HCN4: variants seen among roughly 807,000 people sequenced by gnomAD.
The protein encoded by HCN4 is potassium/sodium hyperpolarization-activated cyclic nucleotide-gated channel 4.
Under a neutral mutation model 76.9 loss-of-function variants are expected in HCN4, and 29 were observed. The ratio of observed to expected loss-of-function variants is 0.38; its 90% CI spans 0.28 to 0.51. The LOEUF (loss-of-function observed/expected upper bound fraction) is 0.51, where lower values mean the gene tolerates loss of function less well. Ranked by LOEUF, HCN4 falls within the 20% of genes least tolerant of loss-of-function variation. The probability of loss-of-function intolerance (pLI) is 0.90; values close to 1 mark genes in which losing one functional copy is unlikely to be tolerated. For synonymous variants in HCN4, 772 were observed against 762.5 expected, an observed-to-expected ratio of 1.01 and a Z score of -0.21; for missense variants, 1,416 against 1,715.2, an observed-to-expected ratio of 0.83 and a Z score of 3.08.
chr15:73,343,475 G>A lies in HCN4; in HGVS notation c.1119C>T (p.Ala373=), dbSNP rs2043016637. Reference sequence around the variant, plus strand: ...TCTTCGTGAAGCGGACAATGCGCAGGGCCCGGGCAGTCTTGTAGACCTCCG... The same window carrying A: ...TCTTCGTGAAGCGGACAATGCGCAGAGCCCGGGCAGTCTTGTAGACCTCCG... ...IDSEVYKTAR[A]LRIVRFTKIL... The change falls in exon 2 of 8, where the codon GCC becomes GCT. Residue 373 remains alanine, a synonymous_variant. Transcript: ENST00000261917. The surrounding 1 kb of genome is among the most constrained non-coding windows in gnomAD (Gnocchi z 5.7). The A allele has an allele frequency of 6.2e-7, 1 of 1,614,194 alleles. No individual in the cohort carries two copies. Among genetic ancestry groups the A allele is most frequent in the Non-Finnish European group, 8.5e-7 (1 of 1,180,042 alleles).
chr15:73,325,329 A>G lies in HCN4; in HGVS notation c.1706T>C (p.Ile569Thr). ...YQGKMFDEES[I>T]LGELSEPLRE... ...CAGGGGCTCGCTTAGCTCGCCCAGG[A>G]TGCTCTCCTCGTCGAACATCTTGCC... The change falls in exon 5 of 8, where the codon ATC becomes ACC. Residue 569 changes from isoleucine to threonine, a missense_variant. Physicochemically the swap from Ile to Thr is moderately conservative, Grantham distance 89 (BLOSUM62 -1). Transcript: ENST00000261917. The surrounding 1 kb of genome is among the most constrained non-coding windows in gnomAD (Gnocchi z 7.4). 1.2e-6 allele frequency: 2 copies of G among 1,613,498 alleles called. No homozygotes were observed. Among genetic ancestry groups the G allele is most frequent in the Non-Finnish European group, 1.7e-6 (2 of 1,179,772 alleles).
At chr15:73,359,409 G>A (rs901709744) in intron 1 of HCN4, among the ~76,000 whole-genome samples, 1 of 152,198 alleles carries the variant, frequency 6.6e-6, no homozygotes, top group Non-Finnish European at 1.5e-5. Context: ...TGGCTCTGTT[G>A]TTTATTTATA....
intron 1 of HCN4, among the ~76,000 whole-genome samples, chr15:73,356,557 G>A (rs1007956771): frequency 6.6e-6 from 1 of 151,586 alleles, no homozygotes; most frequent in Non-Finnish European, 1.5e-5. Flanking sequence ...CATAGAAGGG[G>A]CTAACAAGGA....
chr15:73,323,412 G>A lies in HCN4; in HGVS notation c.2681C>T (p.Thr894Ile). 6.2e-7 allele frequency: 1 copy of A among 1,602,914 alleles called. No individual in the cohort carries two copies. The highest frequency in any genetic ancestry group is 1.1e-5 in the South Asian group (1 of 90,310). The stretch of plus-strand genomic sequence containing the variant: ...GGTGGCGGCTACGCCAGCTGATGGT[G>A]TGGGAGCCGAGGGGGAGCCACAGGC... ...PGACGSPSAP[T>I]PSAGVAATTI... Residue 894 changes from threonine to isoleucine, a missense_variant, in exon 8 of 8, where the codon ACA becomes ATA. By Grantham distance (89) the Thr-to-Ile change is moderately conservative (BLOSUM62 -1). Around this residue, in one of 6 missense-constraint regions of HCN4, gnomAD observed 633 missense variants for 579.8 expected, o/e 1.09. Transcript: ENST00000261917.
chr15:73,345,610 A>C lies in HCN4; in HGVS notation c.786-1802T>G, dbSNP rs148680416. On this transcript the variant is annotated intron_variant, in intron 1 of 7. Transcript: ENST00000261917. Reference sequence around the variant, plus strand: ...GGTGCCCTAGAGCCGTGCATGCTCTACCCAGCCACATAGACCTCACTCAAA... The same window carrying C: ...GGTGCCCTAGAGCCGTGCATGCTCTCCCCAGCCACATAGACCTCACTCAAA... 8.5e-5 allele frequency among the ~76,000 whole-genome samples: 13 copies of C among 152,162 alleles called. No homozygotes were observed. The East Asian group carries it at 2.5e-3, about 29-fold the overall frequency.
chr15:73,360,525 C>G (rs1210968157), intron 1 of HCN4, among the ~76,000 whole-genome samples: 1 of 152,156 alleles, frequency 6.6e-6, no homozygotes, highest in Non-Finnish European at 1.5e-5. Flanking sequence ...AGAATGTTTT[C>G]TTGAACTACT....
chr15:73,355,540 G>A (rs535342922), intron 1 of HCN4, among the ~76,000 whole-genome samples: 58 of 152,286 alleles, frequency 3.8e-4, no homozygotes, highest in African/African-American at 1.3e-3. Flanking sequence ...TGAGAACTCA[G>A]GGCTCTTCCA....
At chr15:73,338,684 G>T (rs1181049661) in intron 2 of HCN4, among the ~76,000 whole-genome samples, 1 of 152,116 alleles carries the variant, frequency 6.6e-6, no homozygotes, top group Non-Finnish European at 1.5e-5. Context: ...TTCCACCAAG[G>T]CCTCTTCCTG....
intron 1 of HCN4, among the ~76,000 whole-genome samples, chr15:73,357,933 G>A (rs866807619): frequency 1.3e-5 from 2 of 152,140 alleles, no homozygotes; most frequent in Non-Finnish European, 2.9e-5. Flanking sequence ...TCTACTGGTC[G>A]GCAGCACTGT....
rs567390531 is a variant in HCN4, at chr15:73,343,153, A to C, written c.1209+232T>G. On this transcript the variant is annotated intron_variant, in intron 2 of 7. Transcript: ENST00000261917. The surrounding 1 kb of genome is among the most constrained non-coding windows in gnomAD (Gnocchi z 5.7). ...CTTCAGGTGAAAAATGAGTATATACATGTACCTATATGGTTCCCTCTATAG... is the reference window on the plus strand; with the variant it reads ...CTTCAGGTGAAAAATGAGTATATACCTGTACCTATATGGTTCCCTCTATAG... Among the ~76,000 whole-genome samples, 21 of 152,252 alleles carry C rather than the reference A, an allele frequency of 1.4e-4. No homozygotes were observed. Among genetic ancestry groups the C allele is most frequent in the Non-Finnish European group, 2.6e-4 (18 of 68,048 alleles).
rs1209463706 is a variant in HCN4, at chr15:73,321,218, C to T, written c.*1263G>A. On this transcript the variant is annotated 3_prime_UTR_variant, in exon 8 of 8. Transcript: ENST00000261917. ...GAAGTGGCAGGGCTGGGATTCAAAC[C>T]CAGGCCTGACTGCTGCCAAAATCTG... 4 of 152,142 alleles carry T rather than the reference C, an allele frequency of 2.6e-5. No individual in the cohort carries two copies. Among genetic ancestry groups the T allele is most frequent in the Non-Finnish European group, 5.9e-5 (4 of 68,038 alleles). The allele number at this position is 152,142 out of a possible 1,614,324, so 9.4% of individuals were successfully genotyped here.
intron 1 of HCN4, among the ~76,000 whole-genome samples, chr15:73,366,343 C>CA (rs2043128247): frequency 6.6e-6 from 1 of 152,004 alleles, no homozygotes; most frequent in African/African-American, 2.4e-5. Flanking sequence ...TCTGGGTTGG[C>CA]AAAATGCTCA....
chr15:73,348,839 C>T (rs955101237), intron 1 of HCN4, among the ~76,000 whole-genome samples: 24 of 152,202 alleles, frequency 1.6e-4, no homozygotes, highest in Non-Finnish European at 2.9e-5. Context: ...CCACTCAGTG[C>T]CACTCCCAGC....
At chr15:73,337,741 C>T (rs141986360) in intron 2 of HCN4, among the ~76,000 whole-genome samples, 1 of 152,152 alleles carries the variant, frequency 6.6e-6, no homozygotes, top group Non-Finnish European at 1.5e-5. Context: ...GTCAGCAGGG[C>T]TCCTGCTAGT....
chr15:73,329,998 T>TG (rs2042923297), intron 3 of HCN4, among the ~76,000 whole-genome samples: 1 of 152,206 alleles, frequency 6.6e-6, no homozygotes. Flanking sequence ...CCTCTTGCAA[T>TG]GGGGGCAGAG....
At chr15:73,327,339 G>C (rs1319569341) in intron 4 of HCN4, among the ~76,000 whole-genome samples, 2 of 151,946 alleles carry the variant, frequency 1.3e-5, no homozygotes, top group African/African-American at 4.8e-5. Flanking sequence ...ATGAACTCTT[G>C]ACCTCAGGTG....
At chr15:73,331,260 C>T (rs2042930700) in intron 3 of HCN4, among the ~76,000 whole-genome samples, 1 of 152,218 alleles carries the variant, frequency 6.6e-6, no homozygotes, top group Non-Finnish European at 1.5e-5. Flanking sequence ...CCCTGACCCA[C>T]TTGCAAGGTT....
intron 3 of HCN4, 122 bp from the exon 4 acceptor site, chr15:73,329,913 C>G: frequency 3.9e-6 from 3 of 777,952 alleles, no homozygotes; most frequent in Non-Finnish European, 6.3e-6. Flanking sequence ...CCCAGGGCTC[C>G]CTAACCTTGC....
intron 2 of HCN4, among the ~76,000 whole-genome samples, chr15:73,334,576 C>T (rs1270352794): frequency 6.6e-6 from 1 of 151,980 alleles, no homozygotes; most frequent in African/African-American, 2.4e-5. Context: ...GCTCACCCAA[C>T]CCCCTGGTGT....
Sources: allele counts gnomAD v4.1 joint callset (sites outside exome capture counted in the v4.1 genomes callset), GRCh38; gene constraint gnomAD v4.1.1; regional missense constraint gnomAD v4.1.1; non-coding constraint Gnocchi (gnomAD v3.1); transcripts MANE v1.5; gene names NCBI Gene and HGNC (gene_info 2026-07-23, HGNC 2026-07-21).